Variants in NPIPB2 observed in about 807,000 individuals in gnomAD.
NPIPB2 encodes nuclear pore complex interacting protein family member B2.
In NPIPB2, 27 loss-of-function variants were observed where a neutral mutation model predicts 30.8. The observed-to-expected ratio is 0.88, with a 90% CI of 0.65 to 1.21. NPIPB2 has a LOEUF of 1.21. NPIPB2 is among the 50% of genes most tolerant of loss of function. The pLI, the probability that NPIPB2 is intolerant of heterozygous loss-of-function variation, is 0.00. For synonymous variants in NPIPB2, 147 were observed against 162.0 expected, an observed-to-expected ratio of 0.91 and a Z score of 0.70; for missense variants, 440 against 446.2, an observed-to-expected ratio of 0.99 and a Z score of 0.13.
chr16:11,969,223 T>G (rs1006166765), intron 1 of NPIPB2, among the ~76,000 whole-genome samples: 1 of 152,064 alleles, frequency 6.6e-6, no homozygotes, highest in Non-Finnish European at 1.5e-5. Context: ...ACATACAGAT[T>G]TCAGGAAGGA....
rs1218724294 is a variant in NPIPB2 at position 11,941,147 on chromosome 16, C to A, written c.63+836G>T. 144 of 1,490,940 alleles carry A rather than the reference C, an allele frequency of 9.7e-5. 3 individuals carry two copies. In the East Asian group the frequency reaches 3.9e-3, roughly 40 times the overall value. 92.4% of individuals were successfully genotyped at this position (1,490,940 alleles called of 1,614,324 possible). ...CAGCCCAGTAAAAAGGAAGAAACCC[C>A]GCGGGTCCAGCGTCTACTCACACAG... On this transcript the variant is annotated intron_variant, in intron 1 of 7. Transcript: ENST00000399147.
intron 1 of NPIPB2, among the ~76,000 whole-genome samples, chr16:11,973,409 G>C (rs1422135047): frequency 6.6e-6 from 1 of 152,034 alleles, no homozygotes; most frequent in African/African-American, 2.4e-5. Flanking sequence ...GGGGGCCAAG[G>C]GGAAAACTTC....
intron 2 of NPIPB2, among the ~76,000 whole-genome samples, chr16:11,934,226 T>TCTCACA (rs1555507978): frequency 8.2e-6 from 1 of 121,752 alleles, no homozygotes; most frequent in Non-Finnish European, 1.7e-5. Context: ...TGAGACTCTG[T>TCTCACA]CACACACACA....
chr16:11,951,666 A>ACACACACACACACACCC (rs1226047972), intron 1 of NPIPB2, among the ~76,000 whole-genome samples: 2 of 138,876 alleles, frequency 1.4e-5, no homozygotes, highest in African/African-American at 2.6e-5. Flanking sequence ...ACACACACAC[A>ACACACACACACACACCC]CCCAGCCCCC....
At chr16:11,976,107 C>T (rs999843343) in intron 1 of NPIPB2, among the ~76,000 whole-genome samples, 1 of 151,998 alleles carries the variant, frequency 6.6e-6, no homozygotes, top group East Asian at 1.9e-4. Context: ...CTGCAAGGCC[C>T]TCCCTCCACC....
intron 1 of NPIPB2, among the ~76,000 whole-genome samples, chr16:11,949,470 A>G (rs2055044016): frequency 1.3e-5 from 2 of 152,222 alleles, no homozygotes; most frequent in African/African-American, 4.8e-5. Context: ...TTTTTAGCCC[A>G]GATCTTCATC....
intron 1 of NPIPB2, chr16:11,966,267 T>C (rs2055192973): frequency 6.2e-7 from 1 of 1,614,122 alleles, no homozygotes; most frequent in Non-Finnish European, 8.5e-7. Context: ...ATAATTTCTT[T>C]GGCAGTTTTC....
chr16:11,951,262 C>T (rs2055058710), intron 1 of NPIPB2, among the ~76,000 whole-genome samples: 1 of 151,324 alleles, frequency 6.6e-6, no homozygotes, highest in Non-Finnish European at 1.5e-5. Context: ...CGAGACCATC[C>T]TGGCTAACAC....
chr16:11,934,823 C>A (rs1596490701), intron 2 of NPIPB2, among the ~76,000 whole-genome samples: 3 of 134,398 alleles, frequency 2.2e-5, no homozygotes, highest in African/African-American at 8.1e-5. Flanking sequence ...CCCACCACTG[C>A]ACTCCAGCCT....
At chr16:11,955,048 T>C (rs1185357030) in intron 1 of NPIPB2, among the ~76,000 whole-genome samples, 2 of 152,154 alleles carry the variant, frequency 1.3e-5, no homozygotes, top group Admixed American at 1.3e-4. Context: ...CTCTCCTGTA[T>C]TATTTTGAAG....
At chr16:11,974,681 A>T (rs1344289758) in intron 1 of NPIPB2, among the ~76,000 whole-genome samples, 1 of 152,194 alleles carries the variant, frequency 6.6e-6, no homozygotes, top group East Asian at 1.9e-4. Context: ...GTTATGATAT[A>T]AAATACATTT....
intron 1 of NPIPB2, among the ~76,000 whole-genome samples, chr16:11,969,103 G>C (rs984861328): frequency 2.0e-5 from 3 of 151,918 alleles, no homozygotes; most frequent in Non-Finnish European, 2.9e-5. Context: ...CTGACCTCAG[G>C]TGATTCACCT....
intron 1 of NPIPB2, chr16:11,941,379 A>AAGGGGAAGGGGAGG: frequency 6.2e-6 from 1 of 162,320 alleles, no homozygotes; most frequent in Non-Finnish European, 1.0e-5. Context: ...GGAAGGGGAG[A>AAGGGGAAGGGGAGG]GGAAGGGGGG....
In NPIPB2 at chr16:11,967,636, T is replaced by C. The variant is rs1351848903; in HGVS notation, c.-584+8932A>G. On this transcript the variant is annotated intron_variant, in intron 1 of 5. Coordinates refer to the NPIPB2 transcript ENST00000538896. Reference sequence around the variant, plus strand: ...AGCAGGACTGGTGATGAAATTATTCTTCCGAGAGGCCTCGAGTACACGGTG... The same window carrying C: ...AGCAGGACTGGTGATGAAATTATTCCTCCGAGAGGCCTCGAGTACACGGTG... 6.2e-7 allele frequency: 1 copy of C among 1,614,052 alleles called. No individual in the cohort carries two copies. Among genetic ancestry groups the C allele is most frequent in the African/African-American group, 1.3e-5 (1 of 74,908 alleles).
rs193267893 is a variant in NPIPB2, at chr16:11,973,491, G to A, written c.-584+3077C>T. On this transcript the variant is annotated intron_variant, in intron 1 of 5. Coordinates refer to the NPIPB2 transcript ENST00000538896. ...GATAAACTGGAGAAAAGGTAGACAA[G>A]TTTTACTGACTTGTACCCTGGGGGA... Among the ~76,000 whole-genome samples, 525 of 152,298 alleles carry A rather than the reference G, an allele frequency of 3.4e-3. 2 individuals are homozygous for A. The highest frequency in any genetic ancestry group is 0.017 in the Middle Eastern group (5 of 294).
At chr16:11,969,030 C>CT in intron 1 of NPIPB2, among the ~76,000 whole-genome samples, 2 of 151,914 alleles carry the variant, frequency 1.3e-5, no homozygotes, top group Middle Eastern at 6.8e-3. Flanking sequence ...CCATGCCCTG[C>CT]TGATTTTTGT....
intron 1 of NPIPB2, chr16:11,966,404 C>T (rs1186300091): frequency 6.5e-7 from 1 of 1,527,316 alleles, no homozygotes; most frequent in Non-Finnish European, 8.9e-7. Context: ...AGTTTCAGTT[C>T]CTTTTCTTTT....
At chr16:11,961,463 C>A (rs3851002) in intron 1 of NPIPB2, among the ~76,000 whole-genome samples, 1 of 151,872 alleles carries the variant, frequency 6.6e-6, no homozygotes, top group Non-Finnish European at 1.5e-5. Flanking sequence ...ATGATTTTAG[C>A]ATTTATTATG....
upstream of NPIPB2, among the ~76,000 whole-genome samples, chr16:11,944,458 C>T (rs1034201852): frequency 2.0e-5 from 3 of 151,824 alleles, no homozygotes; most frequent in Admixed American, 6.6e-5. Flanking sequence ...TGAGCCACCA[C>T]ACCTGGCCTT....
Sources: allele counts gnomAD v4.1 joint callset (sites outside exome capture counted in the v4.1 genomes callset), GRCh38; gene constraint gnomAD v4.1.1; transcripts MANE v1.5; gene names NCBI Gene and HGNC (gene_info 2026-07-23, HGNC 2026-07-21).